Variants in DOLPP1 observed in about 807,000 individuals in gnomAD.
The protein encoded by DOLPP1 is dolichyldiphosphatase 1.
A neutral mutation model predicts 34.1 loss-of-function variants in DOLPP1; 15 were observed. The observed-to-expected ratio is 0.44, with a 90% CI of 0.29 to 0.68. DOLPP1 has a LOEUF of 0.68. Ranked by LOEUF, DOLPP1 falls within the 30% of genes least tolerant of loss-of-function variation. DOLPP1 has a pLI of 0.12. For synonymous variants in DOLPP1, 130 were observed against 128.2 expected (o/e 1.01, Z -0.10); for missense variants, 249 against 307.1 (o/e 0.81, Z 1.41).
intron 1 of DOLPP1, among the ~76,000 whole-genome samples, 164 bp downstream of exon 1, chr9:129,081,371 C>G (rs973039602): frequency 1.3e-5 from 2 of 152,096 alleles, no homozygotes; most frequent in Non-Finnish European, 2.9e-5. Context: ...GCCGCGCAGG[C>G]GCAGTGGTGC....
In DOLPP1 at chr9:129,089,026, T is replaced by TC. The variant is rs746898514; in HGVS notation, c.*21dup. ...GCAGTGACCAGTGGGTGTGGCTGGG[T>TC]CCAGCCTCCAGATCTGGCCCGCACG... On this transcript the variant is annotated 3_prime_UTR_variant, in exon 8 of 8. Transcript: ENST00000372546. This position sits in a 1 kb window ranked among gnomAD's most constrained non-coding sequence, Gnocchi z 4.9. The TC allele has an allele frequency of 3.6e-5, 58 of 1,613,244 alleles. No homozygotes were observed. Among genetic ancestry groups the TC allele is most frequent in the Non-Finnish European group, 4.8e-5 (57 of 1,179,718 alleles).
At chr9:129,086,489 G>A (rs1023539914) in intron 6 of DOLPP1, among the ~76,000 whole-genome samples, 33 of 152,232 alleles carry the variant, frequency 2.2e-4, no homozygotes, top group African/African-American at 8.0e-4. Flanking sequence ...AGAAGCCTGA[G>A]TCCTGCTGGG....
intron 6 of DOLPP1, 151 bp downstream of exon 6, chr9:129,086,418 T>A (rs1588432170): frequency 3.8e-6 from 4 of 1,063,670 alleles, no homozygotes; most frequent in Non-Finnish European, 5.3e-6. Context: ...ACACAGGGGG[T>A]TTCCTCAGGC....
At position 129,090,174 on chromosome 9, in the gene DOLPP1, T is replaced by G. The variant is rs1246978973; in HGVS notation, c.*1167T>G. Reference sequence around the variant, plus strand: ...GTTCGAATCCTCCCCACCCCTTTCTTTGTGGAGTTTCCTAACCTGCTGCTG... The same window carrying G: ...GTTCGAATCCTCCCCACCCCTTTCTGTGTGGAGTTTCCTAACCTGCTGCTG... On this transcript the variant is annotated 3_prime_UTR_variant, in exon 8 of 8. Coordinates refer to ENST00000372546, the MANE Select transcript of DOLPP1 (RefSeq NM_020438.5). 2.0e-5 allele frequency: 3 copies of G among 152,628 alleles called. No individual in the cohort carries two copies. The highest frequency in any genetic ancestry group is 4.4e-5 in the Non-Finnish European group (3 of 68,038). The allele number at this position is 152,628 out of a possible 1,614,324, so 9.5% of individuals were successfully genotyped here.
chr9:129,089,178 A>G lies in DOLPP1; in HGVS notation c.*171A>G. The G allele has an allele frequency of 3.3e-6, 2 of 611,100 alleles. No individual in the cohort carries two copies. The highest frequency in any genetic ancestry group is 5.5e-6 in the Non-Finnish European group (2 of 363,008). 37.9% of individuals were successfully genotyped at this position (611,100 alleles called of 1,614,324 possible). A position where few individuals can be genotyped will look rare whatever the true frequency, so the allele number is the denominator to read the frequency against. On this transcript the variant is annotated 3_prime_UTR_variant, in exon 8 of 8. Transcript: ENST00000372546. The surrounding 1 kb of genome is among the most constrained non-coding windows in gnomAD (Gnocchi z 4.9). The stretch of plus-strand genomic sequence containing the variant: ...ATGAACAAGGTGGACCAAAGGGCTG[A>G]ACCAGCCCCTCAACCAGGACCCTGG...
In DOLPP1 at chr9:129,090,122, G is replaced by A. The variant is rs570547205; in HGVS notation, c.*1115G>A. 1 of 152,728 alleles carries A rather than the reference G, an allele frequency of 6.5e-6. No homozygotes were observed. The highest frequency in any genetic ancestry group is 2.1e-4 in the South Asian group (1 of 4,830). 9.5% of individuals were successfully genotyped at this position (152,728 alleles called of 1,614,324 possible). On this transcript the variant is annotated 3_prime_UTR_variant, in exon 8 of 8. Transcript: ENST00000372546. ...CCTCCAGACTCTCAGAAGTTTTGAG[G>A]ACTGAACTGGGTCACTCGGGATCTG...
rs1048747697 is a variant in DOLPP1 at position 129,084,450 on chromosome 9, T to A, written c.77-218T>A. 4.7e-6 allele frequency: 3 copies of A among 644,474 alleles called. No individual in the cohort carries two copies. The African/African-American group carries it at 5.4e-5, about 12-fold the overall frequency. 39.9% of individuals were successfully genotyped at this position (644,474 alleles called of 1,614,324 possible). A position where few individuals can be genotyped will look rare whatever the true frequency, so the allele number is the denominator to read the frequency against. On this transcript the variant is annotated intron_variant, in intron 1 of 7. Coordinates refer to ENST00000372546, the MANE Select transcript of DOLPP1 (RefSeq NM_020438.5). ...AGTGAAGGCACCTGCTTTAAACGCA[T>A]GCTGTGTGCACTTTAGTGCTAAGTA...
intron 1 of DOLPP1, among the ~76,000 whole-genome samples, chr9:129,082,201 C>T (rs556893011): frequency 1.3e-5 from 2 of 152,312 alleles, no homozygotes; most frequent in African/African-American, 4.8e-5. Context: ...ATGCTGCTGT[C>T]TTGCGAGATG....
chr9:129,088,276 G>A (rs559414006), intron 7 of DOLPP1, among the ~76,000 whole-genome samples: 14 of 152,212 alleles, frequency 9.2e-5, no homozygotes, highest in African/African-American at 2.6e-4. Context: ...TGCACCAGAC[G>A]GAGGCTGCCG....
chr9:129,084,632 G>T lies in DOLPP1; in HGVS notation c.77-36G>T, dbSNP rs760271681. 4 of 1,427,322 alleles carry T rather than the reference G, an allele frequency of 2.8e-6. No homozygotes were observed. The South Asian group carries it at 4.6e-5, about 16-fold the overall frequency. The allele number at this position is 1,427,322 out of a possible 1,614,324, so 88.4% of individuals were successfully genotyped here. On this transcript the variant is annotated intron_variant, in intron 1 of 7. Coordinates refer to ENST00000372546, the MANE Select transcript of DOLPP1 (RefSeq NM_020438.5). Reference sequence around the variant, plus strand: ...GGCTGGTCCCTCTTCTGATGCCTGTGCCCTGTCCTCCTGATTCTGTTCTCT... The same window carrying T: ...GGCTGGTCCCTCTTCTGATGCCTGTTCCCTGTCCTCCTGATTCTGTTCTCT...
chr9:129,087,459 G>T (rs923429921), intron 7 of DOLPP1, among the ~76,000 whole-genome samples: 1 of 152,132 alleles, frequency 6.6e-6, no homozygotes, highest in Non-Finnish European at 1.5e-5. Context: ...GGGACTACAG[G>T]CGCCCGCCAC....
chr9:129,088,161 G>A (rs1847028856), intron 7 of DOLPP1, among the ~76,000 whole-genome samples: 1 of 128,924 alleles, frequency 7.8e-6, no homozygotes, highest in Admixed American at 7.9e-5. Context: ...GGGATGGGGG[G>A]ATGGGGAGGG....
chr9:129,089,309 A>G lies in DOLPP1; in HGVS notation c.*302A>G. 2.9e-6 allele frequency: 1 copy of G among 350,572 alleles called. No homozygotes were observed. Among genetic ancestry groups the G allele is most frequent in the Non-Finnish European group, 5.3e-6 (1 of 187,522 alleles). The allele number at this position is 350,572 out of a possible 1,614,324, so 21.7% of individuals were successfully genotyped here. A position where few individuals can be genotyped will look rare whatever the true frequency, so the allele number is the denominator to read the frequency against. ...GCATGGGCACCTGGGTGTGGGGTGG[A>G]GGAGGAGGGCTCGCGCCTCTGGTCT... On this transcript the variant is annotated 3_prime_UTR_variant, in exon 8 of 8. Transcript: ENST00000372546. This position sits in a 1 kb window ranked among gnomAD's most constrained non-coding sequence, Gnocchi z 4.9.
chr9:129,089,127 C>A lies in DOLPP1; in HGVS notation c.*120C>A, dbSNP rs1031519111. On this transcript the variant is annotated 3_prime_UTR_variant, in exon 8 of 8. Coordinates refer to ENST00000372546, the MANE Select transcript of DOLPP1 (RefSeq NM_020438.5). This position sits in a 1 kb window ranked among gnomAD's most constrained non-coding sequence, Gnocchi z 4.9. ...TACAGACCCAAGTCACCAAGTGGAG[C>A]CTTTTTTTTTCTTATTTTAATTTTA... 4.1e-6 allele frequency: 4 copies of A among 982,968 alleles called. No homozygotes were observed. In the Admixed American group the frequency reaches 7.0e-5, roughly 17 times the overall value. 60.9% of individuals were successfully genotyped at this position (982,968 alleles called of 1,614,324 possible).
intron 1 of DOLPP1, among the ~76,000 whole-genome samples, chr9:129,082,050 C>G (rs1846899404): frequency 6.6e-6 from 1 of 152,198 alleles, no homozygotes; most frequent in African/African-American, 2.4e-5. Flanking sequence ...GAGTACAGTG[C>G]CCGGCATGCA....
At chr9:129,081,304 G>A in intron 1 of DOLPP1, 97 bp downstream of exon 1, 1 of 1,472,826 alleles carries the variant, frequency 6.8e-7, no homozygotes, top group Non-Finnish European at 9.2e-7. Context: ...GGGCGCCGGG[G>A]GACCGGGGTG....
Position 129,085,452 on chromosome 9 carries a change from A to G in DOLPP1, c.363-66A>G. On this transcript the variant is annotated intron_variant, in intron 4 of 7. Coordinates refer to ENST00000372546, the MANE Select transcript of DOLPP1 (RefSeq NM_020438.5). This position sits in a 1 kb window ranked among gnomAD's most constrained non-coding sequence, Gnocchi z 7.0. ...ACCCAGGGAGCATTTGGATGGGGCC[A>G]GGGACTGTTTGGGAGGCCTGGGCTG... The G allele has an allele frequency of 6.4e-7, 1 of 1,562,654 alleles. No individual in the cohort carries two copies. Among genetic ancestry groups the G allele is most frequent in the Non-Finnish European group, 8.8e-7 (1 of 1,136,864 alleles).
At chr9:129,086,351 TGACCCCAGCCCCTGTCTCCCTGG>T in intron 6 of DOLPP1, 84 bp downstream of exon 6, 1 of 1,519,934 alleles carries the variant, frequency 6.6e-7, no homozygotes, top group Non-Finnish European at 8.9e-7. Flanking sequence ...CTAGGAGTCT[TGACCCCAGCCCCTGTCTCCCTGG>T]GAAGGCCCCA....
chr9:129,085,161 G>GCA lies in DOLPP1; in HGVS notation c.263-46_263-45insCA, dbSNP rs1455996681. 6.2e-7 allele frequency: 1 copy of GCA among 1,612,120 alleles called. No homozygotes were observed. The highest frequency in any genetic ancestry group is 8.5e-7 in the Non-Finnish European group (1 of 1,178,964). ...TTCCCCCAGGTTGGGGCGTTACTGGGAGGTCTGCATCCCCCCGTGATGCCC... is the reference window on the plus strand; with the variant it reads ...TTCCCCCAGGTTGGGGCGTTACTGGGCAAGGTCTGCATCCCCCCGTGATGCCC... On this transcript the variant is annotated intron_variant, in intron 3 of 7. Coordinates refer to ENST00000372546, the MANE Select transcript of DOLPP1 (RefSeq NM_020438.5). The surrounding 1 kb of genome is among the most constrained non-coding windows in gnomAD (Gnocchi z 7.0).
Sources: allele counts gnomAD v4.1 joint callset (sites outside exome capture counted in the v4.1 genomes callset), GRCh38; gene constraint gnomAD v4.1.1; non-coding constraint Gnocchi (gnomAD v3.1); transcripts MANE v1.5; gene names NCBI Gene and HGNC (gene_info 2026-07-23, HGNC 2026-07-21).